CLCN3: variants seen among roughly 807,000 people sequenced by gnomAD.
The protein encoded by CLCN3 is H(+)/Cl(-) exchange transporter 3.
In CLCN3, 16 loss-of-function variants were observed where a neutral mutation model predicts 83.4. The ratio of observed to expected loss-of-function variants is 0.19; its 90% CI spans 0.13 to 0.29. The LOEUF (loss-of-function observed/expected upper bound fraction) is 0.29. Ranked by LOEUF, CLCN3 falls within the 10% of genes least tolerant of loss-of-function variation. The pLI, the probability that CLCN3 is intolerant of heterozygous loss-of-function variation, is 1.00. For missense variants in CLCN3, 544 were observed against 1,006.0 expected, an observed-to-expected ratio of 0.54 and a Z score of 6.21; for synonymous variants, 322 against 346.2, an observed-to-expected ratio of 0.93 and a Z score of 0.78.
intron 2 of CLCN3, among the ~76,000 whole-genome samples, chr4:169,659,902 G>A (rs1415740839): frequency 6.6e-6 from 1 of 151,870 alleles, no homozygotes; most frequent in Non-Finnish European, 1.5e-5. Context: ...AATGAAAAAG[G>A]GCATTGTCTG....
At chr4:169,716,751 C>T (rs1733437130) in intron 12 of CLCN3, among the ~76,000 whole-genome samples, 1 of 152,044 alleles carries the variant, frequency 6.6e-6, no homozygotes, top group Non-Finnish European at 1.5e-5. Flanking sequence ...CCCACCCCAG[C>T]CATCAAGCTA....
chr4:169,687,798 A>G (rs768347211), intron 4 of CLCN3, 41 bp downstream of exon 4: 3 of 1,120,406 alleles, frequency 2.7e-6, no homozygotes, highest in Middle Eastern at 2.0e-4. Context: ...TAGTTAACAG[A>G]AGTATAAACT....
At chr4:169,648,099 G>A (rs759504070) in intron 2 of CLCN3, among the ~76,000 whole-genome samples, 4 of 152,178 alleles carry the variant, frequency 2.6e-5, no homozygotes, top group African/African-American at 7.2e-5. Context: ...AACTAAGACC[G>A]AAGGAGTTCA....
In CLCN3 at chr4:169,697,469, T is replaced by C. The variant is rs1427706224; in HGVS notation, c.1298T>C (p.Ile433Thr). 6 of 1,614,118 alleles carry C rather than the reference T, an allele frequency of 3.7e-6. No homozygotes were observed. In the African/African-American group the frequency reaches 5.3e-5, roughly 14 times the overall value. Residue 433 changes from isoleucine (I) to threonine (T), a missense_variant, in exon 9 of 13, where the codon ATT (isoleucine) becomes ACT (threonine). Coordinates refer to ENST00000513761, the MANE Select transcript of CLCN3 (RefSeq NM_001829.4). ...FGKYPVLEVI[I>T]VAAITAVIAF... ...AAGTATCCCGTTCTGGAAGTCATTA[T>C]TGTTGCAGCCATTACTGCTGTGATA...
chr4:169,695,168 C>T (rs1478483155), intron 7 of CLCN3, among the ~76,000 whole-genome samples: 2 of 152,100 alleles, frequency 1.3e-5, no homozygotes, highest in African/African-American at 2.4e-5. Flanking sequence ...ACAAGGTCTT[C>T]GGTTCCCTGC....
rs34668119 is a variant in CLCN3 at position 169,684,975 on chromosome 4, ATT to A, written c.319-2661_319-2660del. Among the ~76,000 whole-genome samples the A allele has an allele frequency of 5.3e-3, 676 of 127,948 alleles. 2 individuals are homozygous for A. Among genetic ancestry groups the A allele is most frequent in the South Asian group, 0.019 (72 of 3,822 alleles). 83.9% of individuals were successfully genotyped at this position (127,948 alleles called of 152,430 possible). On this transcript the variant is annotated intron_variant, in intron 3 of 12. Transcript: ENST00000513761. Reference sequence around the variant, plus strand: ...AGGTGCACACCACCATGCCTGGCTAATTTTTTTTTTTTTTTTTTTTTTTAAGA... The same window carrying A: ...AGGTGCACACCACCATGCCTGGCTAATTTTTTTTTTTTTTTTTTTTTAAGA...
intron 2 of CLCN3, among the ~76,000 whole-genome samples, chr4:169,677,668 G>A (rs765334075): frequency 6.6e-6 from 1 of 152,160 alleles, no homozygotes; most frequent in Non-Finnish European, 1.5e-5. Context: ...ATCTGTGTAT[G>A]TTAAATTTTG....
chr4:169,676,650 A>ATTTTTTTT (rs557077180), intron 2 of CLCN3, among the ~76,000 whole-genome samples: 2 of 128,244 alleles, frequency 1.6e-5, no homozygotes. Context: ...CATGCCCAGC[A>ATTTTTTTT]TTTTTTTTTT....
intron 6 of CLCN3, among the ~76,000 whole-genome samples, chr4:169,691,008 T>A (rs558612896): frequency 2.0e-5 from 3 of 151,914 alleles, no homozygotes; most frequent in Non-Finnish European, 4.4e-5. Flanking sequence ...CCCTGAATTT[T>A]TTTTTTTTGA....
At chr4:169,639,140 G>A (rs1446705571) in intron 2 of CLCN3, among the ~76,000 whole-genome samples, 1 of 152,124 alleles carries the variant, frequency 6.6e-6, no homozygotes, top group African/African-American at 2.4e-5. Flanking sequence ...AGAGATACTT[G>A]TGCCTCAGCC....
chr4:169,692,417 A>G (rs1274439245), intron 7 of CLCN3, 97 bp downstream of exon 7: 1 of 527,528 alleles, frequency 1.9e-6, no homozygotes, highest in Admixed American at 4.1e-5. Flanking sequence ...TAAATTCTGT[A>G]TTCAGATAAA....
chr4:169,637,791 A>G (rs1009347079), intron 2 of CLCN3, among the ~76,000 whole-genome samples: 2 of 152,164 alleles, frequency 1.3e-5, no homozygotes, highest in African/African-American at 4.8e-5. Flanking sequence ...TTAAGAGTTC[A>G]GATTCATTTT....
At chr4:169,691,217 C>A (rs1465313104) in intron 6 of CLCN3, among the ~76,000 whole-genome samples, 1 of 151,754 alleles carries the variant, frequency 6.6e-6, no homozygotes, top group Non-Finnish European at 1.5e-5. Context: ...GGGGTTTCAC[C>A]ATGTTGGCCA....
At chr4:169,680,994 G>A (rs1281329956) in intron 3 of CLCN3, among the ~76,000 whole-genome samples, 4 of 152,138 alleles carry the variant, frequency 2.6e-5, no homozygotes, top group Middle Eastern at 6.8e-3. Flanking sequence ...GACTACAAAC[G>A]TACGCCACCA....
Position 169,620,967 on chromosome 4 carries a change from C to T in CLCN3, c.-113C>T, listed in dbSNP as rs993317935. 6 of 398,274 alleles carry T rather than the reference C, an allele frequency of 1.5e-5. No individual in the cohort carries two copies. The highest frequency in any genetic ancestry group is 2.7e-5 in the Non-Finnish European group (6 of 226,038). The allele number at this position is 398,274 out of a possible 1,614,324, so 24.7% of individuals were successfully genotyped here. On this transcript the variant is annotated 5_prime_UTR_variant, in exon 1 of 13. Coordinates refer to ENST00000513761, the MANE Select transcript of CLCN3 (RefSeq NM_001829.4). ...CTGTGTCAGGCTTTCTTCGGTGGAG[C>T]TCCGAGGGTAGCTAGGTTCTAGGTT...
chr4:169,665,128 A>G (rs1731197818), intron 2 of CLCN3, among the ~76,000 whole-genome samples: 1 of 152,222 alleles, frequency 6.6e-6, no homozygotes, highest in Non-Finnish European at 1.5e-5. Flanking sequence ...AGCTCATCAT[A>G]TTTGCAGACA....
intron 1 of CLCN3, among the ~76,000 whole-genome samples, chr4:169,624,624 A>ATAATG (rs1773187033): frequency 6.6e-6 from 1 of 152,190 alleles, no homozygotes; most frequent in Non-Finnish European, 1.5e-5. Flanking sequence ...AGGAAAATGT[A>ATAATG]TAATGTAATT....
At chr4:169,665,130 T>C (rs1483664903) in intron 2 of CLCN3, among the ~76,000 whole-genome samples, 1 of 152,228 alleles carries the variant, frequency 6.6e-6, no homozygotes, top group Non-Finnish European at 1.5e-5. Flanking sequence ...CTCATCATAT[T>C]TGCAGACATA....
chr4:169,643,797 A>T (rs1730492874), intron 2 of CLCN3, among the ~76,000 whole-genome samples: 1 of 152,112 alleles, frequency 6.6e-6, no homozygotes. Context: ...CGGCCTTCCA[A>T]AGTGTTGGGA....
Sources: allele counts gnomAD v4.1 joint callset (sites outside exome capture counted in the v4.1 genomes callset), GRCh38; gene constraint gnomAD v4.1.1; transcripts MANE v1.5; gene names NCBI Gene and HGNC (gene_info 2026-07-23, HGNC 2026-07-21).